Variants in MAP3K21 observed in about 807,000 individuals in gnomAD.
MAP3K21 encodes mitogen-activated protein kinase kinase kinase 21.
Under a neutral mutation model 86.1 loss-of-function variants are expected in MAP3K21, and 63 were observed. That is an observed-to-expected ratio of 0.73 (90% confidence interval 0.60 to 0.90). The LOEUF is 0.90. Among genes scored for constraint, MAP3K21 ranks in the 40% least tolerant of loss-of-function variants. MAP3K21 has a pLI of 0.00. For synonymous variants in MAP3K21, 558 were observed against 564.8 expected (o/e 0.99, Z 0.17); for missense variants, 1,220 against 1,367.7 (o/e 0.89, Z 1.70).
In MAP3K21 at chr1:233,382,399, C is replaced by G. The variant is rs1663934739; in HGVS notation, c.2799C>G (p.Pro933=). ...GTCATCTGCCAAGGGAGGTCTCACCCAAGAAGCACAGCACTGTCCACATCG... is the reference window on the plus strand; with the variant it reads ...GTCATCTGCCAAGGGAGGTCTCACCGAAGAAGCACAGCACTGTCCACATCG... ...PHSHLPREVS[P]KKHSTVHIVP... Residue 933 remains proline (P), a synonymous_variant, in exon 10 of 10, where the codon CCC becomes CCG. Coordinates refer to ENST00000366624, the MANE Select transcript of MAP3K21 (RefSeq NM_032435.3). 6.2e-7 allele frequency: 1 copy of G among 1,614,002 alleles called. No individual in the cohort carries two copies. Among genetic ancestry groups the G allele is most frequent in the African/African-American group, 1.3e-5 (1 of 74,896 alleles).
At chr1:233,347,183 C>T (rs1188872897) in intron 2 of MAP3K21, among the ~76,000 whole-genome samples, 5 of 152,204 alleles carry the variant, frequency 3.3e-5, no homozygotes, top group Non-Finnish European at 7.3e-5. Context: ...GTGTGAGCCA[C>T]TGCACCCAGC....
At chr1:233,367,588 G>C (rs1204758404) in intron 5 of MAP3K21, among the ~76,000 whole-genome samples, 1 of 152,180 alleles carries the variant, frequency 6.6e-6, no homozygotes, top group Non-Finnish European at 1.5e-5. Flanking sequence ...GGCTGGGCGT[G>C]GTGGCTCATG....
chr1:233,362,605 C>T (rs146135091), intron 5 of MAP3K21, among the ~76,000 whole-genome samples: 2 of 151,868 alleles, frequency 1.3e-5, no homozygotes, highest in Non-Finnish European at 2.9e-5. Context: ...TTTAGCTGAG[C>T]GTACTGAGCC....
intron 1 of MAP3K21, among the ~76,000 whole-genome samples, chr1:233,330,910 C>G (rs1337771078): frequency 6.6e-6 from 1 of 151,968 alleles, no homozygotes; most frequent in Non-Finnish European, 1.5e-5. Context: ...AATCAACAAT[C>G]CATAGCAATT....
chr1:233,369,897 T>C (rs1263912936), intron 5 of MAP3K21, among the ~76,000 whole-genome samples: 1 of 152,212 alleles, frequency 6.6e-6, no homozygotes, highest in Non-Finnish European at 1.5e-5. Context: ...AAGATGAGGC[T>C]GGAGCAGAAA....
chr1:233,373,798 T>C, intron 6 of MAP3K21: 1 of 152,350 alleles, frequency 6.6e-6, no homozygotes, highest in Non-Finnish European at 1.5e-5. Context: ...CTGGTGAAGC[T>C]GGATTCAGAC....
intron 4 of MAP3K21, among the ~76,000 whole-genome samples, chr1:233,358,479 T>TTTTC (rs1460312335): frequency 1.3e-5 from 2 of 149,134 alleles, no homozygotes; most frequent in Non-Finnish European, 3.0e-5. Context: ...ATTTGTTTTT[T>TTTTC]TTTTTTTTAA....
intron 5 of MAP3K21, among the ~76,000 whole-genome samples, chr1:233,367,688 C>T (rs1457087686): frequency 6.6e-6 from 1 of 151,954 alleles, no homozygotes; most frequent in Non-Finnish European, 1.5e-5. Context: ...GGAGAAACCC[C>T]ATCTCTATTA....
At chr1:233,356,398 A>T (rs1663357441) in intron 4 of MAP3K21, among the ~76,000 whole-genome samples, 1 of 152,206 alleles carries the variant, frequency 6.6e-6, no homozygotes, top group South Asian at 2.1e-4. Flanking sequence ...CAGTTTGTTA[A>T]TATATGCCTG....
chr1:233,366,659 C>T (rs181290494), intron 5 of MAP3K21, among the ~76,000 whole-genome samples: 17 of 152,282 alleles, frequency 1.1e-4, no homozygotes, highest in African/African-American at 3.8e-4. Flanking sequence ...AGAATTTCTC[C>T]GAAACATATT....
chr1:233,335,389 T>G (rs1662892856), intron 1 of MAP3K21, among the ~76,000 whole-genome samples: 1 of 152,194 alleles, frequency 6.6e-6, no homozygotes, highest in Non-Finnish European at 1.5e-5. Flanking sequence ...CACGATTACT[T>G]GTACACCAAC....
chr1:233,345,730 A>ATAATAG (rs1460523848), intron 1 of MAP3K21, among the ~76,000 whole-genome samples: 70 of 32,460 alleles, frequency 2.2e-3, no homozygotes, highest in African/African-American at 0.02. Flanking sequence ...TCAAAGTATA[A>ATAATAG]TAATAATAAT....
rs1663697829 is a variant in MAP3K21, at chr1:233,372,150, A to G, written c.1665A>G (p.Arg555=). The G allele has an allele frequency of 6.2e-7, 1 of 1,614,106 alleles. No individual in the cohort carries two copies. The highest frequency in any genetic ancestry group is 2.2e-5 in the East Asian group (1 of 44,884). Residue 555 remains arginine (R), a synonymous_variant, in exon 6 of 10, where the codon CGA becomes CGG. Transcript: ENST00000366624. ...PSSPTMMPRL[R]AIQLTSDESN... ...GCCCCACAATGATGCCCCGACTCCG[A>G]GCCATACAGTGTGAGCTTTCTGCAC...
At position 233,376,034 on chromosome 1, in the gene MAP3K21, T is replaced by C. The variant is rs1028678839; in HGVS notation, c.1794T>C (p.Ile598=). The change falls in exon 7 of 10, where the codon ATT becomes ATC. Residue 598 remains isoleucine, a synonymous_variant. Coordinates refer to ENST00000366624, the MANE Select transcript of MAP3K21 (RefSeq NM_032435.3). ...KKGCTWGPNS[I]QMKDRTDCKE... is the part of the protein sequence containing the mutation. ...GTTGTACCTGGGGACCAAATTCCAT[T>C]CAAATGAAAGATAGAACAGATTGCA... 5.6e-6 allele frequency: 9 copies of C among 1,608,860 alleles called. No individual in the cohort carries two copies. The highest frequency in any genetic ancestry group is 7.6e-6 in the Non-Finnish European group (9 of 1,178,760).
rs1351280984 is a variant in MAP3K21 at position 233,328,639 on chromosome 1, G to A, written c.611G>A (p.Arg204His). Reference sequence around the variant, plus strand: ...CTCTGCCTGGTGCTGGAGTTCGCCCGCGGCGGAGCGCTCAACCGAGCGCTG... The same window carrying A: ...CTCTGCCTGGTGCTGGAGTTCGCCCACGGCGGAGCGCTCAACCGAGCGCTG... ...PHLCLVLEFA[R>H]GGALNRALAA... The change falls in exon 1 of 10, where the codon CGC (arginine) becomes CAC (histidine). Residue 204 changes from arginine (R) to histidine (H), a missense_variant. By Grantham distance (29) the Arg-to-His change is conservative (BLOSUM62 0). Coordinates refer to ENST00000366624, the MANE Select transcript of MAP3K21 (RefSeq NM_032435.3). This position sits in a 1 kb window ranked among gnomAD's most constrained non-coding sequence, Gnocchi z 8.7. The A allele has an allele frequency of 1.4e-6, 2 of 1,442,522 alleles. No individual in the cohort carries two copies. The highest frequency in any genetic ancestry group is 3.0e-5 in the African/African-American group (2 of 67,652). 89.4% of individuals were successfully genotyped at this position (1,442,522 alleles called of 1,614,324 possible).
At chr1:233,360,869 G>A (rs1213966905) in intron 4 of MAP3K21, among the ~76,000 whole-genome samples, 1 of 152,210 alleles carries the variant, frequency 6.6e-6, no homozygotes, top group Non-Finnish European at 1.5e-5. Flanking sequence ...TTTATATAAA[G>A]TAGGAAATGT....
intron 1 of MAP3K21, among the ~76,000 whole-genome samples, chr1:233,336,262 T>A (rs1662908483): frequency 6.6e-6 from 1 of 152,166 alleles, no homozygotes; most frequent in South Asian, 2.1e-4. Flanking sequence ...TACTTAAGGC[T>A]GCGTATGGTG....
At chr1:233,381,113 A>G (rs566727153) in intron 9 of MAP3K21, among the ~76,000 whole-genome samples, 1 of 152,322 alleles carries the variant, frequency 6.6e-6, no homozygotes, top group South Asian at 2.1e-4. Flanking sequence ...TGCTGGGGAA[A>G]TTACGTAGAC....
intron 5 of MAP3K21, among the ~76,000 whole-genome samples, chr1:233,363,994 A>G (rs886959247): frequency 2.0e-5 from 3 of 152,184 alleles, no homozygotes; most frequent in Non-Finnish European, 2.9e-5. Flanking sequence ...AGCCTGGGCA[A>G]CAGAATGAGA....
Sources: gnomAD v4.1 joint callset for allele counts (sites outside exome capture counted in the v4.1 genomes callset) on GRCh38, gnomAD v4.1.1 for gene constraint, Gnocchi (gnomAD v3.1) non-coding constraint, MANE v1.5 for transcripts, NCBI Gene and HGNC (gene_info 2026-07-23, HGNC 2026-07-21) for gene names.